MIER2: variants seen among roughly 807,000 people sequenced by gnomAD.
MIER2 encodes mesoderm induction early response protein 2.
MIER2 carries 30 observed loss-of-function variants against 67.6 expected under a neutral mutation model. That is an observed-to-expected ratio of 0.44 (90% CI 0.33 to 0.60). The LOEUF is 0.60. MIER2 is among the 20% of genes least tolerant of loss of function. The pLI is 0.02. For synonymous variants in MIER2, 372 were observed against 312.6 expected, an observed-to-expected ratio of 1.19 and a Z score of -2.00; for missense variants, 702 against 745.1, an observed-to-expected ratio of 0.94 and a Z score of 0.67.
Position 325,717 on chromosome 19 carries a change from C to G in MIER2, c.586-13G>C, listed in dbSNP as rs1223327956. On this transcript the variant is annotated splice_polypyrimidine_tract_variant and intron_variant, in intron 6 of 13. Transcript: ENST00000264819. ...CCACCATGATCTCCTGCAAAGCAAGCACCTGGGAATCAGGACACTGAGGAG... is the reference window on the plus strand; with the variant it reads ...CCACCATGATCTCCTGCAAAGCAAGGACCTGGGAATCAGGACACTGAGGAG... The G allele has an allele frequency of 1.2e-6, 2 of 1,614,184 alleles. No individual in the cohort carries two copies. Among genetic ancestry groups the G allele is most frequent in the Admixed American group, 3.3e-5 (2 of 60,024 alleles).
chr19:343,905 G>T (rs1568242186), intron 1 of MIER2: 1 of 985,284 alleles, frequency 1.0e-6, no homozygotes. Flanking sequence ...CTTCAAAAGC[G>T]AAAGTTTCTT....
chr19:336,382 C>A (rs1454555060), intron 1 of MIER2, among the ~76,000 whole-genome samples: 3 of 152,258 alleles, frequency 2.0e-5, no homozygotes, highest in Non-Finnish European at 4.4e-5. Context: ...AAGGACCGCT[C>A]ACAGGGTGGA....
At chr19:337,868 C>CAAAAAAA (rs1418469284) in intron 1 of MIER2, among the ~76,000 whole-genome samples, 8 of 16,724 alleles carry the variant, frequency 4.8e-4, no homozygotes, top group African/African-American at 1.1e-3. Context: ...GACTCCATCT[C>CAAAAAAA]ACAAAAAAAA....
At chr19:313,464 CCT>C (rs1428646191) in intron 8 of MIER2, 26 bp downstream of exon 8, 17 of 1,603,672 alleles carry the variant, frequency 1.1e-5, no homozygotes, top group East Asian at 2.2e-5. Flanking sequence ...GCCCTCAGCC[CCT>C]CTGTCCCCGG....
chr19:337,582 G>C (rs970592988), intron 1 of MIER2, among the ~76,000 whole-genome samples: 1 of 152,098 alleles, frequency 6.6e-6, no homozygotes. Flanking sequence ...AGATCGGTAA[G>C]GAAGCCGGGC....
chr19:343,779 A>G (rs770367900), intron 1 of MIER2: 5 of 931,960 alleles, frequency 5.4e-6, no homozygotes, highest in African/African-American at 3.6e-5. Flanking sequence ...CCACTGACTG[A>G]GCACCTCGCA....
intron 10 of MIER2, among the ~76,000 whole-genome samples, chr19:309,743 GACAC>G (rs755770007): frequency 3.6e-5 from 4 of 111,794 alleles, no homozygotes; most frequent in African/African-American, 7.5e-5. Flanking sequence ...CACGAGAAGG[GACAC>G]ACACACACGC....
At chr19:311,771 C>A in intron 10 of MIER2, 74 bp downstream of exon 10, 1 of 1,439,032 alleles carries the variant, frequency 6.9e-7, no homozygotes, top group Non-Finnish European at 9.7e-7. Flanking sequence ...CGGCCGTGTG[C>A]TGTGTGCCTG....
chr19:320,056 C>T (rs1296887385), intron 7 of MIER2, among the ~76,000 whole-genome samples: 3 of 152,140 alleles, frequency 2.0e-5, no homozygotes, highest in African/African-American at 7.2e-5. Context: ...AATACATAAA[C>T]TTGTTTCAGG....
In MIER2 at chr19:314,186, C is replaced by T. The variant is rs539183596; in HGVS notation, c.656-543G>A. Among the ~76,000 whole-genome samples, 93 of 152,336 alleles carry T rather than the reference C, an allele frequency of 6.1e-4. 1 individual carries two copies. The highest frequency in any genetic ancestry group is 2.2e-3 in the African/African-American group (93 of 41,574). On this transcript the variant is annotated intron_variant, in intron 7 of 13. Transcript: ENST00000264819. The stretch of plus-strand genomic sequence containing the variant: ...ACAGTTAGGCACTGTCGCGCTCTAA[C>T]CCTGGGAGCTGAAGAGCCACGGCCA...
intron 1 of MIER2, 139 bp downstream of exon 1, chr19:344,630 CGGACG>C: frequency 2.3e-6 from 1 of 437,118 alleles, no homozygotes; most frequent in Non-Finnish European, 3.1e-6. Flanking sequence ...CCTCCGGCCC[CGGACG>C]GGCCAGGCGC....
At chr19:329,814 C>T (rs1435222721) in intron 3 of MIER2, among the ~76,000 whole-genome samples, 3 of 147,296 alleles carry the variant, frequency 2.0e-5, no homozygotes, top group Admixed American at 6.9e-5. Flanking sequence ...TGCAGTGAGC[C>T]GACATTGTGC....
intron 7 of MIER2, among the ~76,000 whole-genome samples, chr19:322,766 G>A (rs960799315): frequency 5.9e-5 from 9 of 151,876 alleles, no homozygotes; most frequent in African/African-American, 1.7e-4. Context: ...CCTCCCACAC[G>A]ACTCCCCGCT....
chr19:326,375 T>A (rs1971747868), intron 6 of MIER2, 132 bp downstream of exon 6: 1 of 734,110 alleles, frequency 1.4e-6, no homozygotes, highest in African/African-American at 1.8e-5. Flanking sequence ...GATGCCAGGT[T>A]GGGGACACGG....
At chr19:337,823 C>T (rs1972328526) in intron 1 of MIER2, among the ~76,000 whole-genome samples, 2 of 137,858 alleles carry the variant, frequency 1.5e-5, no homozygotes, top group South Asian at 4.8e-4. Flanking sequence ...GAGCCGAGAT[C>T]GTGCCACTGC....
intron 8 of MIER2, 126 bp downstream of exon 8, chr19:313,366 G>GC (rs1971099158): frequency 1.4e-6 from 2 of 1,432,636 alleles, no homozygotes; most frequent in Non-Finnish European, 1.9e-6. Flanking sequence ...CAGTGCCCTG[G>GC]CCCCCACACA....
At chr19:314,989 GGAGGTC>G (rs1361927084) in intron 7 of MIER2, among the ~76,000 whole-genome samples, 1 of 152,110 alleles carries the variant, frequency 6.6e-6, no homozygotes, top group Non-Finnish European at 1.5e-5. Flanking sequence ...ACTGAGCCCA[GGAGGTC>G]GAGGTTGCAA....
At chr19:331,152 G>A (rs979277176) in intron 3 of MIER2, among the ~76,000 whole-genome samples, 18 of 151,928 alleles carry the variant, frequency 1.2e-4, no homozygotes, top group African/African-American at 4.1e-4. Flanking sequence ...TTGAGGTCAG[G>A]AGTTCGAGAC....
intron 8 of MIER2, 88 bp downstream of exon 8, chr19:313,404 C>T: frequency 1.3e-6 from 2 of 1,549,512 alleles, no homozygotes; most frequent in Non-Finnish European, 1.7e-6. Context: ...CCTCTGCCCT[C>T]CCTGGCCCCT....
Sources: gnomAD v4.1 joint callset for allele counts (sites outside exome capture counted in the v4.1 genomes callset) on GRCh38, gnomAD v4.1.1 for gene constraint, MANE v1.5 for transcripts, NCBI Gene and HGNC (gene_info 2026-07-23, HGNC 2026-07-21) for gene names.